EPHA6: variants seen among roughly 807,000 people sequenced by gnomAD.
The protein encoded by EPHA6 is ephrin type-A receptor 6.
In EPHA6, 50 loss-of-function variants were observed where a neutral mutation model predicts 112.0. The observed-to-expected ratio is 0.45, with a 90% confidence interval of 0.36 to 0.56. EPHA6 has a LOEUF of 0.56. EPHA6 is among the 20% of genes least tolerant of loss of function. The probability of loss-of-function intolerance (pLI) is 0.00; values close to 1 mark genes in which losing one functional copy is unlikely to be tolerated. For missense variants in EPHA6, 1,280 were observed against 1,417.4 expected, an observed-to-expected ratio of 0.90 and a Z score of 1.56; for synonymous variants, 529 against 490.7, an observed-to-expected ratio of 1.08 and a Z score of -1.03.
intron 13 of EPHA6, among the ~76,000 whole-genome samples, chr3:97,619,442 G>T (rs896429538): frequency 6.8e-6 from 1 of 147,556 alleles, no homozygotes; most frequent in Non-Finnish European, 1.5e-5. Flanking sequence ...AAGGGGGGGG[G>T]GGGCATCCAA....
At chr3:97,665,268 G>A (rs1327712386) in intron 14 of EPHA6, among the ~76,000 whole-genome samples, 1 of 152,146 alleles carries the variant, frequency 6.6e-6, no homozygotes, top group Non-Finnish European at 1.5e-5. Context: ...CTAGCCATAC[G>A]TAGAAAGCTG....
intron 8 of EPHA6, among the ~76,000 whole-genome samples, chr3:97,477,844 A>G (rs992074802): frequency 1.5e-4 from 23 of 152,130 alleles, no homozygotes; most frequent in African/African-American, 5.3e-4. Context: ...TTAAAGTACA[A>G]TGGCATTCCA....
At chr3:97,092,489 A>G (rs1362850756) in intron 3 of EPHA6, among the ~76,000 whole-genome samples, 2 of 152,090 alleles carry the variant, frequency 1.3e-5, no homozygotes, top group African/African-American at 4.8e-5. Flanking sequence ...TTTTCCCTCA[A>G]ATACCAGTTT....
chr3:97,279,309 A>C (rs1178000837), intron 5 of EPHA6, among the ~76,000 whole-genome samples: 9 of 152,188 alleles, frequency 5.9e-5, no homozygotes, highest in Admixed American at 5.9e-4. Context: ...TATTAGAATA[A>C]ATAAATTACA....
chr3:97,230,758 A>G (rs1167890466), intron 4 of EPHA6, among the ~76,000 whole-genome samples: 1 of 152,170 alleles, frequency 6.6e-6, no homozygotes. Context: ...AGGTTTAAAT[A>G]CCATCTTCAG....
chr3:97,554,788 G>T (rs561504275), intron 11 of EPHA6, among the ~76,000 whole-genome samples: 1 of 152,078 alleles, frequency 6.6e-6, no homozygotes, highest in Admixed American at 6.6e-5. Flanking sequence ...CTGTATCATG[G>T]TGGTCATGTT....
intron 3 of EPHA6, among the ~76,000 whole-genome samples, chr3:97,065,260 A>G (rs1379913056): frequency 6.6e-6 from 1 of 152,186 alleles, no homozygotes; most frequent in Admixed American, 6.5e-5. Flanking sequence ...AATGCTGAAC[A>G]TAGTTGACAT....
At chr3:97,068,474 G>C (rs2046250382) in intron 3 of EPHA6, among the ~76,000 whole-genome samples, 1 of 152,110 alleles carries the variant, frequency 6.6e-6, no homozygotes, top group South Asian at 2.1e-4. Flanking sequence ...GAAGAGAATA[G>C]TCAGCAAGCG....
intron 11 of EPHA6, among the ~76,000 whole-genome samples, chr3:97,565,994 C>T (rs1369535318): frequency 2.8e-5 from 4 of 142,392 alleles, no homozygotes; most frequent in Middle Eastern, 3.7e-3. Flanking sequence ...CACTCCAGGC[C>T]GGCAACAGAG....
intron 5 of EPHA6, among the ~76,000 whole-genome samples, chr3:97,285,512 A>G (rs2080434303): frequency 6.6e-6 from 1 of 152,130 alleles, no homozygotes; most frequent in African/African-American, 2.4e-5. Context: ...ATTTAACATA[A>G]AGACCATCAT....
At chr3:97,520,805 G>A (rs756725235) in intron 10 of EPHA6, among the ~76,000 whole-genome samples, 25 of 151,952 alleles carry the variant, frequency 1.6e-4, no homozygotes, top group Non-Finnish European at 2.6e-4. Context: ...CTCTCCTTTC[G>A]GTATTGTCTT....
chr3:97,176,021 A>G (rs532501493), intron 3 of EPHA6, among the ~76,000 whole-genome samples: 1 of 151,998 alleles, frequency 6.6e-6, no homozygotes, highest in South Asian at 2.1e-4. Context: ...CCCATTCAGT[A>G]TGATACTAGC....
At chr3:96,989,030 A>T (rs1001188649) in intron 3 of EPHA6, among the ~76,000 whole-genome samples, 1 of 152,152 alleles carries the variant, frequency 6.6e-6, no homozygotes, top group African/African-American at 2.4e-5. Context: ...ATTTCATGGT[A>T]AATAGTAATA....
intron 14 of EPHA6, among the ~76,000 whole-genome samples, chr3:97,710,384 A>T (rs769831335): frequency 6.6e-6 from 1 of 152,228 alleles, no homozygotes; most frequent in East Asian, 1.9e-4. Context: ...TCACAACACT[A>T]CATGCAATAG....
chr3:97,587,748 A>G (rs933608893), intron 11 of EPHA6, among the ~76,000 whole-genome samples: 1 of 152,038 alleles, frequency 6.6e-6, no homozygotes, highest in Non-Finnish European at 1.5e-5. Context: ...GAAGAAATTG[A>G]TTTTCCATAT....
intron 14 of EPHA6, among the ~76,000 whole-genome samples, chr3:97,644,241 G>A (rs1169421654): frequency 2.0e-5 from 3 of 151,060 alleles, no homozygotes; most frequent in Non-Finnish European, 2.9e-5. Context: ...TGAAACCAAC[G>A]AGAACAAAGA....
intron 14 of EPHA6, among the ~76,000 whole-genome samples, chr3:97,717,317 C>A (rs972669450): frequency 4.1e-5 from 6 of 147,770 alleles, no homozygotes; most frequent in Admixed American, 1.3e-4. Flanking sequence ...TTCATTTTAA[C>A]AAAGTGTTTT....
chr3:97,637,879 G>A lies in EPHA6; in HGVS notation c.2581G>A (p.Asp861Asn). Residue 861 changes from aspartate to asparagine, a missense_variant, in exon 14 of 18, where the codon GAT becomes AAT. Asp to Asn is a conservative substitution (Grantham distance 23). This residue lies in a region of EPHA6 where 878 missense variants were observed against 999.7 expected (regional missense o/e 0.88). Coordinates refer to ENST00000389672, the MANE Select transcript of EPHA6 (RefSeq NM_001080448.3). ...AATTGTGATTCTCTTGCAGAAGCATGATGGCCACTTCACAGTCATCCAGTT... is the reference window on the plus strand; with the variant it reads ...AATTGTGATTCTCTTGCAGAAGCATAATGGCCACTTCACAGTCATCCAGTT... ...GSLDSFLRKH[D>N]GHFTVIQLVG... The A allele has an allele frequency of 1.9e-6, 3 of 1,613,622 alleles. No individual in the cohort carries two copies. The highest frequency in any genetic ancestry group is 2.5e-6 in the Non-Finnish European group (3 of 1,179,578).
At position 97,363,805 on chromosome 3, in the gene EPHA6, T is replaced by C. The variant is rs998271448; in HGVS notation, c.1607-41345T>C. Among the ~76,000 whole-genome samples, 52 of 152,176 alleles carry C rather than the reference T, an allele frequency of 3.4e-4. 2 individuals are homozygous for C. The highest frequency in any genetic ancestry group is 2.4e-3 in the Admixed American group (36 of 15,282). ...AAACAAAGGTGGTATACACATACAA[T>C]TGAAAAATATACATCCTTAAAACAG... On this transcript the variant is annotated intron_variant, in intron 5 of 17. Transcript: ENST00000389672.
Sources: allele counts gnomAD v4.1 joint callset (sites outside exome capture counted in the v4.1 genomes callset), GRCh38; gene constraint gnomAD v4.1.1; regional missense constraint gnomAD v4.1.1; transcripts MANE v1.5; gene names NCBI Gene and HGNC (gene_info 2026-07-23, HGNC 2026-07-21).